SYT1: variants seen among roughly 807,000 people sequenced by gnomAD.
The protein encoded by SYT1 is synaptotagmin-1.
In SYT1, 8 loss-of-function variants were observed where a neutral mutation model predicts 44.8. The ratio of observed to expected loss-of-function variants is 0.18; its 90% CI spans 0.10 to 0.32. The LOEUF (loss-of-function observed/expected upper bound fraction) is 0.32. Among genes scored for constraint, SYT1 ranks in the 10% least tolerant of loss-of-function variants. The probability of loss-of-function intolerance (pLI) is 1.00; values close to 1 mark genes in which losing one functional copy is unlikely to be tolerated. For missense variants in SYT1, 286 were observed against 509.3 expected, an observed-to-expected ratio of 0.56 and a Z score of 4.22; for synonymous variants, 154 against 188.8, an observed-to-expected ratio of 0.82 and a Z score of 1.51.
chr12:79,105,645 C>A (rs1401254001), intron 3 of SYT1, among the ~76,000 whole-genome samples: 1 of 152,150 alleles, frequency 6.6e-6, no homozygotes, highest in African/African-American at 2.4e-5. Flanking sequence ...CTTTGGTAGG[C>A]CGAGGCAGAC....
chr12:78,949,803 G>T (rs1301046944), intron 1 of SYT1, among the ~76,000 whole-genome samples: 1 of 151,980 alleles, frequency 6.6e-6, no homozygotes, highest in Admixed American at 6.6e-5. Flanking sequence ...TAGTAGGGCA[G>T]TTCCATCCCA....
At chr12:79,361,143 T>A (rs1883300516) in intron 9 of SYT1, among the ~76,000 whole-genome samples, 1 of 152,138 alleles carries the variant, frequency 6.6e-6, no homozygotes, top group Non-Finnish European at 1.5e-5. Context: ...TCCTTGAGAA[T>A]ATGAGTAAAA....
chr12:79,044,881 G>C (rs1249687686), intron 2 of SYT1, among the ~76,000 whole-genome samples: 15 of 151,890 alleles, frequency 9.9e-5, no homozygotes, highest in South Asian at 2.1e-4. Context: ...GTTGGAGTAC[G>C]CTGCCGTGTG....
At chr12:78,986,115 G>A (rs1449696584) in intron 2 of SYT1, among the ~76,000 whole-genome samples, 1 of 151,972 alleles carries the variant, frequency 6.6e-6, no homozygotes, top group Non-Finnish European at 1.5e-5. Flanking sequence ...TTCTAACTAG[G>A]AAGTACATTC....
intron 3 of SYT1, among the ~76,000 whole-genome samples, chr12:79,118,203 A>G (rs1450525975): frequency 6.6e-6 from 1 of 152,156 alleles, no homozygotes; most frequent in African/African-American, 2.4e-5. Flanking sequence ...TGTGAACAGC[A>G]TATTAGAATG....
chr12:79,034,021 G>A (rs969289901), intron 2 of SYT1, among the ~76,000 whole-genome samples: 1 of 151,412 alleles, frequency 6.6e-6, no homozygotes, highest in Non-Finnish European at 1.5e-5. Flanking sequence ...TATGACAAAT[G>A]TTTTGAACTT....
intron 3 of SYT1, among the ~76,000 whole-genome samples, chr12:79,119,338 A>G (rs745311307): frequency 8.5e-5 from 13 of 152,142 alleles, no homozygotes; most frequent in Non-Finnish European, 1.8e-4. Flanking sequence ...TTTCCTGGAG[A>G]AAACAGGCCA....
At chr12:79,219,052 C>T (rs1355058602) in intron 4 of SYT1, among the ~76,000 whole-genome samples, 1 of 152,118 alleles carries the variant, frequency 6.6e-6, no homozygotes, top group Non-Finnish European at 1.5e-5. Context: ...AATAGCCATT[C>T]TAACAGGTTT....
At chr12:79,331,273 A>G (rs926922045) in intron 8 of SYT1, among the ~76,000 whole-genome samples, 4 of 152,142 alleles carry the variant, frequency 2.6e-5, no homozygotes, top group African/African-American at 9.7e-5. Context: ...TTTTTCCCAC[A>G]ACATAAACCT....
intron 1 of SYT1, among the ~76,000 whole-genome samples, chr12:78,974,308 TG>T (rs1384992869): frequency 6.6e-6 from 1 of 151,986 alleles, no homozygotes; most frequent in East Asian, 1.9e-4. Flanking sequence ...TATTATTTGG[TG>T]CATAACTATA....
At chr12:79,106,252 A>G (rs1402032965) in intron 3 of SYT1, among the ~76,000 whole-genome samples, 1 of 152,210 alleles carries the variant, frequency 6.6e-6, no homozygotes, top group Non-Finnish European at 1.5e-5. Flanking sequence ...GAATGAAGAT[A>G]AAAGAGCAGA....
At chr12:79,108,866 A>G (rs1878859852) in intron 3 of SYT1, among the ~76,000 whole-genome samples, 1 of 152,172 alleles carries the variant, frequency 6.6e-6, no homozygotes, top group Admixed American at 6.5e-5. Context: ...TAGTCCTTGA[A>G]ATGGAAATAC....
intron 9 of SYT1, among the ~76,000 whole-genome samples, chr12:79,441,896 A>G (rs1388159335): frequency 6.6e-6 from 1 of 152,158 alleles, no homozygotes; most frequent in African/African-American, 2.4e-5. Context: ...CTTGGCTAAA[A>G]TGTTGCCTTC....
chr12:78,882,297 T>C (rs955774431), intron 1 of SYT1, among the ~76,000 whole-genome samples: 12 of 151,756 alleles, frequency 7.9e-5, no homozygotes, highest in African/African-American at 2.7e-4. Context: ...AATAATATTG[T>C]AGTCTGGTAT....
chr12:79,178,961 G>GATATAAATATATCT (rs1442569757), intron 3 of SYT1, among the ~76,000 whole-genome samples: 2 of 19,536 alleles, frequency 1.0e-4, no homozygotes, highest in Non-Finnish European at 1.9e-4. Flanking sequence ...TATAGATATA[G>GATATAAATATATCT]ATATAGATAT....
At chr12:79,271,644 C>CT (rs1237018082) in intron 4 of SYT1, among the ~76,000 whole-genome samples, 1 of 152,146 alleles carries the variant, frequency 6.6e-6, no homozygotes, top group Non-Finnish European at 1.5e-5. Flanking sequence ...AAATATTTTT[C>CT]TTTGCACAAT....
At chr12:78,948,489 C>G (rs547726638) in intron 1 of SYT1, among the ~76,000 whole-genome samples, 2 of 151,986 alleles carry the variant, frequency 1.3e-5, no homozygotes, top group East Asian at 3.9e-4. Context: ...ATATAATACA[C>G]TCTAATTGCT....
chr12:79,040,085 G>C (rs1420353998), intron 2 of SYT1, among the ~76,000 whole-genome samples: 1 of 152,042 alleles, frequency 6.6e-6, no homozygotes, highest in African/African-American at 2.4e-5. Flanking sequence ...ATAAACATAC[G>C]GGTGCATGTG....
intron 1 of SYT1, among the ~76,000 whole-genome samples, chr12:78,950,136 G>A (rs11112025): frequency 0.28 from 43,011 of 151,704 alleles, 6,865 homozygotes; most frequent in East Asian, 0.52. Flanking sequence ...CAGACTTTTG[G>A]TAGTGCATGA....
Sources: gnomAD v4.1 joint callset for allele counts (sites outside exome capture counted in the v4.1 genomes callset) on GRCh38, gnomAD v4.1.1 for gene constraint, MANE v1.5 for transcripts, NCBI Gene and HGNC (gene_info 2026-07-23, HGNC 2026-07-21) for gene names.